The following METTL15 variants were observed in gnomAD, a reference collection of about 807,000 sequenced individuals.
METTL15 encodes the protein 12S rRNA N(4)-cytidine methyltransferase METTL15.
Under a neutral mutation model 38.3 loss-of-function variants are expected in METTL15, and 34 were observed. That is an observed-to-expected ratio of 0.89 (90% CI 0.68 to 1.18). The LOEUF (loss-of-function observed/expected upper bound fraction) is 1.18, where lower values mean the gene tolerates loss of function less well. METTL15 is among the 50% of genes most tolerant of loss of function. The probability of loss-of-function intolerance (pLI) is 0.00; values close to 1 mark genes in which losing one functional copy is unlikely to be tolerated. For missense variants in METTL15, 438 were observed against 498.4 expected (o/e 0.88, Z 1.15); for synonymous variants, 162 against 170.9 (o/e 0.95, Z 0.41).
At chr11:28,275,868 C>T (rs772396736) in intron 4 of METTL15, among the ~76,000 whole-genome samples, 1 of 151,998 alleles carries the variant, frequency 6.6e-6, no homozygotes, top group Non-Finnish European at 1.5e-5. Flanking sequence ...TCAGTATACA[C>T]AGAAACAACA....
intron 6 of METTL15, among the ~76,000 whole-genome samples, chr11:28,466,993 A>G (rs1851262406): frequency 6.6e-6 from 1 of 152,100 alleles, no homozygotes; most frequent in Admixed American, 6.5e-5. Context: ...TTTTTGGGAA[A>G]AGTGCACATG....
intron 4 of METTL15, among the ~76,000 whole-genome samples, chr11:28,356,071 T>C (rs1004941173): frequency 6.6e-6 from 1 of 152,182 alleles, no homozygotes; most frequent in African/African-American, 2.4e-5. Context: ...ACATATAATT[T>C]TATGACTTCA....
chr11:28,333,018 T>G lies in METTL15; in HGVS notation c.*2177T>G. 1 of 139,638 alleles carries G rather than the reference T, an allele frequency of 7.2e-6. No individual in the cohort carries two copies. The highest frequency in any genetic ancestry group is 1.5e-5 in the Non-Finnish European group (1 of 65,072). 8.6% of individuals were successfully genotyped at this position (139,638 alleles called of 1,614,324 possible). On this transcript the variant is annotated 3_prime_UTR_variant, in exon 7 of 7. Transcript: ENST00000407364. ...ATGAAGCTGGAGGCAGAGATTGGAG[T>G]GATACATTGTGGGAACCCTCAGAAG...
At chr11:28,381,918 T>A (rs1400249929) in intron 5 of METTL15, among the ~76,000 whole-genome samples, 2 of 144,166 alleles carry the variant, frequency 1.4e-5, no homozygotes, top group African/African-American at 2.7e-5. Context: ...CCTGTTTCCT[T>A]TTTTTTTTTG....
intron 6 of METTL15, among the ~76,000 whole-genome samples, chr11:28,461,600 GA>G (rs1337761718): frequency 2.6e-5 from 4 of 151,986 alleles, no homozygotes; most frequent in Non-Finnish European, 1.5e-5. Context: ...AAATGACATT[GA>G]AATGTGATGT....
rs2133798373 is a variant in METTL15 at position 28,188,764 on chromosome 11, C to T, written c.271-22298C>T. Among the ~76,000 whole-genome samples the T allele has an allele frequency of 1.3e-5, 2 of 151,222 alleles. 1 individual carries two copies. The highest frequency in any genetic ancestry group is 4.8e-5 in the African/African-American group (2 of 41,430). ...GGTAGCATAGTTTTTATTATTATTT[C>T]CCCAAAGCCAATGTAAATGGTATAA... On this transcript the variant is annotated intron_variant, in intron 3 of 6. Coordinates refer to ENST00000407364, the MANE Select transcript of METTL15 (RefSeq NM_001113528.2).
chr11:28,179,960 C>T (rs943374915), intron 3 of METTL15, among the ~76,000 whole-genome samples: 15 of 151,696 alleles, frequency 9.9e-5, no homozygotes, highest in African/African-American at 3.4e-4. Flanking sequence ...TATGGTATGT[C>T]ATTGGTATTA....
intron 5 of METTL15, among the ~76,000 whole-genome samples, chr11:28,395,203 T>C (rs954795078): frequency 6.6e-6 from 1 of 152,042 alleles, no homozygotes; most frequent in African/African-American, 2.4e-5. Context: ...GGATTTTTTG[T>C]CTTTTGTGTT....
intron 3 of METTL15, chr11:28,145,832 A>G (rs989737839): frequency 1.3e-5 from 2 of 152,038 alleles, no homozygotes; most frequent in East Asian, 3.9e-4. Context: ...GATTTATTCT[A>G]GAAAAGTCTG....
At chr11:28,283,255 G>A (rs73438512) in intron 4 of METTL15, among the ~76,000 whole-genome samples, 293 of 152,226 alleles carry the variant, frequency 1.9e-3, no homozygotes, top group African/African-American at 5.9e-3. Flanking sequence ...TTATCCAGCA[G>A]CCCTGATTCT....
At chr11:28,223,530 G>T (rs1048539503) in intron 4 of METTL15, among the ~76,000 whole-genome samples, 8 of 152,074 alleles carry the variant, frequency 5.3e-5, no homozygotes, top group Non-Finnish European at 1.0e-4. Context: ...GAAACAGTTT[G>T]TCATTTTAGA....
At chr11:28,222,126 GT>G (rs979348510) in intron 4 of METTL15, among the ~76,000 whole-genome samples, 2 of 152,170 alleles carry the variant, frequency 1.3e-5, no homozygotes, top group Admixed American at 6.5e-5. Context: ...GCTGCCTTTT[GT>G]TTAGCTATGC....
chr11:28,498,706 C>T (rs1291677204), intron 6 of METTL15, among the ~76,000 whole-genome samples: 1 of 152,134 alleles, frequency 6.6e-6, no homozygotes, highest in Non-Finnish European at 1.5e-5. Context: ...GCAATAGTTC[C>T]TGGACTAATG....
At chr11:28,277,754 G>C (rs1231586332) in intron 4 of METTL15, among the ~76,000 whole-genome samples, 1 of 152,040 alleles carries the variant, frequency 6.6e-6, no homozygotes, top group Non-Finnish European at 1.5e-5. Flanking sequence ...AAGTAACATG[G>C]ATGGAACTAG....
At chr11:28,255,583 C>T (rs1170565496) in intron 4 of METTL15, among the ~76,000 whole-genome samples, 2 of 152,034 alleles carry the variant, frequency 1.3e-5, no homozygotes, top group East Asian at 3.9e-4. Flanking sequence ...AGCTGTGGGT[C>T]TATCATATAT....
At position 28,392,836 on chromosome 11, in the gene METTL15, G is replaced by T. The variant is rs976726470; in HGVS notation, c.*358+30800G>T. ...AAAACAAATAACCAATTAAAAACTG[G>T]GGAAAGTCCTTGAATAGACATTTCT... is the stretch of plus-strand genomic sequence containing the variant. On this transcript the variant is annotated intron_variant and NMD_transcript_variant, in intron 5 of 7. Transcript: ENST00000532947. Among the ~76,000 whole-genome samples, 3 of 151,926 alleles carry T rather than the reference G, an allele frequency of 2.0e-5. No homozygotes were observed. In the East Asian group the frequency reaches 5.8e-4, roughly 29 times the overall value.
intron 3 of METTL15, among the ~76,000 whole-genome samples, chr11:28,149,814 T>C (rs1850017313): frequency 6.6e-6 from 1 of 151,954 alleles, no homozygotes; most frequent in Non-Finnish European, 1.5e-5. Context: ...AACAAAACAG[T>C]ACTTAAATTT....
At chr11:28,215,754 G>A (rs1852837127) in intron 4 of METTL15, among the ~76,000 whole-genome samples, 2 of 152,196 alleles carry the variant, frequency 1.3e-5, no homozygotes, top group South Asian at 4.1e-4. Context: ...AAAAGAGGAT[G>A]GAACGAAGAG....
intron 3 of METTL15, among the ~76,000 whole-genome samples, chr11:28,200,432 A>G (rs751247680): frequency 1.6e-4 from 24 of 152,202 alleles, no homozygotes; most frequent in Admixed American, 7.2e-4. Flanking sequence ...TGTGCTTGTC[A>G]TAAAATAAGC....
Sources: allele counts gnomAD v4.1 joint callset (sites outside exome capture counted in the v4.1 genomes callset), GRCh38; gene constraint gnomAD v4.1.1; transcripts MANE v1.5; gene names NCBI Gene and HGNC (gene_info 2026-07-23, HGNC 2026-07-21).